The following KCNMB1 variants were observed in gnomAD, a reference collection of about 807,000 sequenced individuals.
KCNMB1 encodes potassium calcium-activated channel subfamily M regulatory beta subunit 1, also known as calcium-activated potassium channel subunit beta-1.
KCNMB1 carries 22 observed loss-of-function variants against 21.7 expected under a neutral mutation model. The ratio of observed to expected loss-of-function variants is 1.01; its 90% CI spans 0.72 to 1.45. KCNMB1 has a LOEUF of 1.45. Among genes scored for constraint, KCNMB1 ranks in the 40% most tolerant of loss-of-function variants. The pLI is 0.00. For missense variants in KCNMB1, 243 were observed against 243.4 expected (o/e 1.00, Z 0.01); for synonymous variants, 114 against 107.6 (o/e 1.06, Z -0.37).
chr5:170,383,591 C>G, intron 3 of KCNMB1, 88 bp downstream of exon 3: 1 of 1,464,600 alleles, frequency 6.8e-7, no homozygotes, highest in South Asian at 1.2e-5. Flanking sequence ...GTTGATCTTT[C>G]TCAGCCTCGG....
At position 170,378,005 on chromosome 5, in the gene KCNMB1, A is replaced by G. The variant is rs1764077297; in HGVS notation, c.*699T>C. 1 of 152,182 alleles carries G rather than the reference A, an allele frequency of 6.6e-6. No individual in the cohort carries two copies. The highest frequency in any genetic ancestry group is 1.5e-5 in the Non-Finnish European group (1 of 68,032). 9.4% of individuals were successfully genotyped at this position (152,182 alleles called of 1,614,324 possible). A position where few individuals can be genotyped will look rare whatever the true frequency, so the allele number is the denominator to read the frequency against. On this transcript the variant is annotated 3_prime_UTR_variant, in exon 4 of 4. Transcript: ENST00000274629. ...CAACTTTTCCAAAATGGCATCTACC[A>G]TGGCTTTTCTGATTAAAAGCAAACG...
chr5:170,388,794 G>A (rs535921739), intron 1 of KCNMB1, among the ~76,000 whole-genome samples: 3 of 152,306 alleles, frequency 2.0e-5, no homozygotes, highest in Admixed American at 6.5e-5. Flanking sequence ...GCCTCAGAGA[G>A]TTCAGCTAAA....
intron 3 of KCNMB1, among the ~76,000 whole-genome samples, chr5:170,381,144 G>T (rs1764223057): frequency 6.6e-6 from 1 of 152,146 alleles, no homozygotes; most frequent in Non-Finnish European, 1.5e-5. Context: ...GGTTCCTCTG[G>T]ATCTTTTATG....
chr5:170,385,352 G>A lies in KCNMB1; in HGVS notation c.96C>T (p.Tyr32=). Residue 32 remains tyrosine, a synonymous_variant, in exon 2 of 4, where the codon TAC becomes TAT. Coordinates refer to ENST00000274629, the MANE Select transcript of KCNMB1 (RefSeq NM_004137.4). ...TMVVCAVITY[Y]ILVTTVLPLY... is the part of the protein sequence containing the mutation. ...GGGGCAGCACAGTCGTGACCAGGATGTAGTAGGTGATGACGGCACACACCA... is the reference window on the plus strand; with the variant it reads ...GGGGCAGCACAGTCGTGACCAGGATATAGTAGGTGATGACGGCACACACCA... The A allele has an allele frequency of 1.2e-6, 2 of 1,614,154 alleles. No individual in the cohort carries two copies. Among genetic ancestry groups the A allele is most frequent in the Non-Finnish European group, 8.5e-7 (1 of 1,180,018 alleles).
At chr5:170,386,422 A>T (rs1764474960) in intron 1 of KCNMB1, among the ~76,000 whole-genome samples, 1 of 152,164 alleles carries the variant, frequency 6.6e-6, no homozygotes, top group Non-Finnish European at 1.5e-5. Context: ...CTTCTGGTGA[A>T]ATTTCTGTCG....
At chr5:170,386,730 A>G (rs572936957) in intron 1 of KCNMB1, among the ~76,000 whole-genome samples, 59 of 152,024 alleles carry the variant, frequency 3.9e-4, no homozygotes, top group Non-Finnish European at 7.5e-4. Flanking sequence ...CAAGCAAAGA[A>G]AGAAGAAAGA....
chr5:170,381,426 G>C (rs958510004), intron 3 of KCNMB1, among the ~76,000 whole-genome samples: 1 of 152,222 alleles, frequency 6.6e-6, no homozygotes, highest in African/African-American at 2.4e-5. Flanking sequence ...AGAGTTGGAG[G>C]GTGGGATGAG....
At chr5:170,385,268 C>G in intron 2 of KCNMB1, 46 bp downstream of exon 2, 1 of 1,611,102 alleles carries the variant, frequency 6.2e-7, no homozygotes, top group Non-Finnish European at 8.5e-7. Flanking sequence ...GATGCCAGAC[C>G]CTTAGGAGAG....
chr5:170,380,630 G>A (rs546319625), intron 3 of KCNMB1, among the ~76,000 whole-genome samples: 3 of 152,312 alleles, frequency 2.0e-5, no homozygotes, highest in African/African-American at 7.2e-5. Flanking sequence ...CTGGGGAGAC[G>A]CTGGCTCCTC....
At chr5:170,380,407 A>G (rs1764192302) in intron 3 of KCNMB1, among the ~76,000 whole-genome samples, 1 of 152,212 alleles carries the variant, frequency 6.6e-6, no homozygotes, top group African/African-American at 2.4e-5. Context: ...AAAATGTGTA[A>G]AACTGAGACC....
Position 170,378,479 on chromosome 5 carries a change from C to A in KCNMB1, c.*225G>T. 1.8e-6 allele frequency: 1 copy of A among 563,984 alleles called. No individual in the cohort carries two copies. Among genetic ancestry groups the A allele is most frequent in the Non-Finnish European group, 3.1e-6 (1 of 322,984 alleles). 34.9% of individuals were successfully genotyped at this position (563,984 alleles called of 1,614,324 possible). On this transcript the variant is annotated 3_prime_UTR_variant, in exon 4 of 4. Transcript: ENST00000274629. ...TAATAGAGAGCTAGAACTGGCTGGC[C>A]TTATGGCCTCCAAGGCATTGGGGAG...
chr5:170,385,299 G>C lies in KCNMB1; in HGVS notation c.134+15C>G, dbSNP rs2071156. 1 of 1,613,618 alleles carries C rather than the reference G, an allele frequency of 6.2e-7. No homozygotes were observed. Among genetic ancestry groups the C allele is most frequent in the Non-Finnish European group, 8.5e-7 (1 of 1,179,788 alleles). On this transcript the variant is annotated intron_variant, in intron 2 of 3. Transcript: ENST00000274629. ...GAGAGGGTTGGGGGGTGGGCAGGCC[G>C]GGAGAGCTCAGTACCTTTTCTGGTA...
intron 1 of KCNMB1, among the ~76,000 whole-genome samples, chr5:170,387,246 T>A (rs971217683): frequency 1.3e-4 from 20 of 152,180 alleles, no homozygotes; most frequent in Non-Finnish European, 2.9e-5. Context: ...CCTTGCCAGG[T>A]CCCTAAAGTA....
chr5:170,386,650 T>A (rs1485310852), intron 1 of KCNMB1, among the ~76,000 whole-genome samples: 2 of 150,126 alleles, frequency 1.3e-5, no homozygotes, highest in African/African-American at 4.9e-5. Context: ...CAGCTGCAGG[T>A]TGTCAGGAGA....
chr5:170,379,466 G>C (rs1764149332), intron 3 of KCNMB1, among the ~76,000 whole-genome samples: 1 of 152,180 alleles, frequency 6.6e-6, no homozygotes, highest in Non-Finnish European at 1.5e-5. Flanking sequence ...TATTGTCAGA[G>C]GGTGAAGCAG....
Position 170,378,440 on chromosome 5 carries a change from T to G in KCNMB1, c.*264A>C. On this transcript the variant is annotated 3_prime_UTR_variant, in exon 4 of 4. Coordinates refer to ENST00000274629, the MANE Select transcript of KCNMB1 (RefSeq NM_004137.4). ...CAGCCGGAAACAGGTATGAGTCAGT[T>G]GAGTGGGGACAGGTAATAGAGAGCT... 2.3e-6 allele frequency: 1 copy of G among 441,492 alleles called. No individual in the cohort carries two copies. The highest frequency in any genetic ancestry group is 4.0e-6 in the Non-Finnish European group (1 of 250,116). The allele number at this position is 441,492 out of a possible 1,614,324, so 27.3% of individuals were successfully genotyped here.
At chr5:170,385,111 G>C (rs1268023287) in intron 2 of KCNMB1, among the ~76,000 whole-genome samples, 1 of 152,186 alleles carries the variant, frequency 6.6e-6, no homozygotes, top group African/African-American at 2.4e-5. Flanking sequence ...TTACCACCAG[G>C]TCCTAGAATC....
chr5:170,385,985 G>C (rs1241479403), intron 1 of KCNMB1, among the ~76,000 whole-genome samples: 2 of 151,844 alleles, frequency 1.3e-5, no homozygotes, highest in Non-Finnish European at 2.9e-5. Context: ...AATTAGCCGG[G>C]TGTGGTCGTG....
chr5:170,383,504 C>T (rs1764336429), intron 3 of KCNMB1, 175 bp downstream of exon 3: 5 of 714,076 alleles, frequency 7.0e-6, no homozygotes. Context: ...AGATTCAAAC[C>T]CAGGTCTGTG....
Sources: gnomAD v4.1 joint callset for allele counts (sites outside exome capture counted in the v4.1 genomes callset) on GRCh38, gnomAD v4.1.1 for gene constraint, MANE v1.5 for transcripts, NCBI Gene and HGNC (gene_info 2026-07-23, HGNC 2026-07-21) for gene names.